Variants in ADORA2B observed in about 807,000 individuals in gnomAD.
ADORA2B encodes adenosine receptor A2b.
Under a neutral mutation model 20.8 loss-of-function variants are expected in ADORA2B, and 18 were observed. The observed-to-expected ratio is 0.87, with a 90% CI of 0.60 to 1.29. The LOEUF (loss-of-function observed/expected upper bound fraction) is 1.29, where lower values mean the gene tolerates loss of function less well. ADORA2B is among the 50% of genes most tolerant of loss of function. The pLI, the probability that ADORA2B is intolerant of heterozygous loss-of-function variation, is 0.00. For missense variants in ADORA2B, 441 were observed against 422.7 expected (o/e 1.04, Z -0.38); for synonymous variants, 179 against 178.3 (o/e 1.00, Z -0.03).
rs139034803 is a variant in ADORA2B at position 15,953,096 on chromosome 17, A to G, written c.335+7513A>G. On this transcript the variant is annotated intron_variant, in intron 1 of 1. Transcript: ENST00000304222. Reference sequence around the variant, plus strand: ...TGAGTGGTGTGGTAGGTGGGAGGAAAGTGCCTGCAGAGCTGGGAGTGCAGG... The same window carrying G: ...TGAGTGGTGTGGTAGGTGGGAGGAAGGTGCCTGCAGAGCTGGGAGTGCAGG... 9.5e-3 allele frequency among the ~76,000 whole-genome samples: 1,451 copies of G among 152,172 alleles called. 14 individuals carry two copies. The highest frequency in any genetic ancestry group is 0.016 in the Non-Finnish European group (1,085 of 67,986).
intron 1 of ADORA2B, among the ~76,000 whole-genome samples, chr17:15,971,956 A>G (rs966937012): frequency 2.0e-5 from 3 of 152,100 alleles, no homozygotes; most frequent in African/African-American, 7.2e-5. Flanking sequence ...TTAAGAACAT[A>G]CTATGTGCTG....
chr17:15,899,175 T>A, the ADORA2B span, among the ~76,000 whole-genome samples: 5 of 151,358 alleles, frequency 3.3e-5, no homozygotes, highest in Non-Finnish European at 5.9e-5. Flanking sequence ...GGTTGCAGTG[T>A]GCCAAGATAG....
chr17:15,904,628 G>A, the ADORA2B span, among the ~76,000 whole-genome samples: 1 of 151,904 alleles, frequency 6.6e-6, no homozygotes, highest in Non-Finnish European at 1.5e-5. Context: ...TGCCCACCTC[G>A]GCCTCCCAAA....
At chr17:15,885,484 T>C in the ADORA2B span, among the ~76,000 whole-genome samples, 26 of 152,120 alleles carry the variant, frequency 1.7e-4, no homozygotes, top group Non-Finnish European at 2.9e-4. Flanking sequence ...GAGGCCGAAG[T>C]GGGCAGATCA....
At chr17:15,972,856 G>A (rs900743386) in intron 1 of ADORA2B, among the ~76,000 whole-genome samples, 8 of 152,076 alleles carry the variant, frequency 5.3e-5, no homozygotes, top group African/African-American at 1.9e-4. Context: ...GGGCTCAAGT[G>A]ATCCTGACTC....
the ADORA2B span, among the ~76,000 whole-genome samples, chr17:15,923,003 A>ATTTCTT: frequency 4.0e-5 from 6 of 151,484 alleles, no homozygotes; most frequent in South Asian, 2.1e-4. Flanking sequence ...CATTGCCCAT[A>ATTTCTT]TTTCTTTTTC....
chr17:15,972,247 G>A (rs990374429), intron 1 of ADORA2B, among the ~76,000 whole-genome samples: 4 of 152,196 alleles, frequency 2.6e-5, no homozygotes, highest in African/African-American at 4.8e-5. Flanking sequence ...GTGTGGAGCC[G>A]AGGCTGGGGG....
chr17:15,882,058 G>C, the ADORA2B span, among the ~76,000 whole-genome samples: 1 of 152,318 alleles, frequency 6.6e-6, no homozygotes, highest in East Asian at 1.9e-4. Context: ...TGAAATACGG[G>C]AAGATTAGGT....
At chr17:15,860,779 G>A in the ADORA2B span, 1 of 161,936 alleles carries the variant, frequency 6.2e-6, no homozygotes, top group Admixed American at 6.2e-5. Flanking sequence ...TGGCAATCAA[G>A]AGCCTCTTCT....
chr17:15,908,560 G>T, the ADORA2B span: 1 of 185,968 alleles, frequency 5.4e-6, no homozygotes, highest in South Asian at 1.2e-4. Context: ...GCAAGGTCCT[G>T]AACACAGACC....
At chr17:15,855,344 G>GTGCA in the ADORA2B span, among the ~76,000 whole-genome samples, 1 of 151,150 alleles carries the variant, frequency 6.6e-6, no homozygotes, top group African/African-American at 2.4e-5. Flanking sequence ...ACCCAGAGTT[G>GTGCA]TGCAGCTGGT....
chr17:15,889,495 C>A, the ADORA2B span, among the ~76,000 whole-genome samples: 2 of 130,294 alleles, frequency 1.5e-5, 1 homozygote, highest in South Asian at 4.5e-4. Context: ...ATATAGCACA[C>A]CCATCAAAAA....
the ADORA2B span, among the ~76,000 whole-genome samples, chr17:15,911,734 C>T: frequency 6.6e-6 from 1 of 152,138 alleles, no homozygotes; most frequent in African/African-American, 2.4e-5. Flanking sequence ...AATAGACATG[C>T]ACGTAGAAGA....
At chr17:15,944,705 C>T (rs1281132649), upstream of ADORA2B, among the ~76,000 whole-genome samples, 1 of 152,100 alleles carries the variant, frequency 6.6e-6, no homozygotes, top group African/African-American at 2.4e-5. This position sits in a 1 kb window ranked among gnomAD's most constrained non-coding sequence, Gnocchi z 4.8. Context: ...GGCAGCCCCC[C>T]ATCCAGTCGG....
chr17:15,901,927 T>C, the ADORA2B span, among the ~76,000 whole-genome samples: 1 of 152,168 alleles, frequency 6.6e-6, no homozygotes, highest in Non-Finnish European at 1.5e-5. Flanking sequence ...AGTTCAGTGG[T>C]ATTGAGTCCA....
In ADORA2B at chr17:15,945,266, G is replaced by T; in HGVS notation, c.18G>T (p.Gln6His). The T allele has an allele frequency of 2.7e-6, 4 of 1,496,434 alleles. No homozygotes were observed. The highest frequency in any genetic ancestry group is 3.6e-6 in the Non-Finnish European group (4 of 1,124,942). 92.7% of individuals were successfully genotyped at this position (1,496,434 alleles called of 1,614,324 possible). A position where few individuals can be genotyped will look rare whatever the true frequency, so the allele number is the denominator to read the frequency against. Residue 6 changes from glutamine (Q) to histidine (H), a missense_variant, in exon 1 of 2, where the codon CAG (glutamine) becomes CAT (histidine). Coordinates refer to ENST00000304222, the MANE Select transcript of ADORA2B (RefSeq NM_000676.4). MLLET[Q>H]DALYVALELV... ...GCCCGGCCATGCTGCTGGAGACACA[G>T]GACGCGCTGTACGTGGCGCTGGAGC...
intron 1 of ADORA2B, among the ~76,000 whole-genome samples, chr17:15,964,865 T>G (rs569965593): frequency 2.6e-5 from 4 of 151,812 alleles, no homozygotes; most frequent in East Asian, 1.9e-4. Context: ...ATCGAGACCA[T>G]CCTGGCTAAC....
chr17:15,898,049 C>G, the ADORA2B span, among the ~76,000 whole-genome samples: 14 of 152,220 alleles, frequency 9.2e-5, no homozygotes, highest in Non-Finnish European at 1.8e-4. Context: ...CCCAACAAAT[C>G]TTTAAGAAAC....
the ADORA2B span, among the ~76,000 whole-genome samples, chr17:15,932,215 C>G: frequency 6.6e-6 from 1 of 151,938 alleles, no homozygotes; most frequent in Admixed American, 6.6e-5. Flanking sequence ...AAATTGTTGG[C>G]CGGGCATGGT....
Sources: gnomAD v4.1 joint callset for allele counts (sites outside exome capture counted in the v4.1 genomes callset) on GRCh38, gnomAD v4.1.1 for gene constraint, Gnocchi (gnomAD v3.1) non-coding constraint, MANE v1.5 for transcripts, NCBI Gene and HGNC (gene_info 2026-07-23, HGNC 2026-07-21) for gene names.